PLS1: variants seen among roughly 807,000 people sequenced by gnomAD.
PLS1 encodes the protein plastin 1.
PLS1 carries 32 observed loss-of-function variants against 73.7 expected under a neutral mutation model. The ratio of observed to expected loss-of-function variants is 0.43; its 90% confidence interval spans 0.33 to 0.58. The LOEUF (loss-of-function observed/expected upper bound fraction) is 0.58. PLS1 is among the 20% of genes least tolerant of loss of function. The pLI is 0.04. For synonymous variants in PLS1, 217 were observed against 261.3 expected (o/e 0.83, Z 1.63); for missense variants, 633 against 740.5 (o/e 0.85, Z 1.68).
intron 2 of PLS1, among the ~76,000 whole-genome samples, chr3:142,666,432 A>G (rs997289386): frequency 8.5e-5 from 13 of 152,180 alleles, no homozygotes; most frequent in African/African-American, 2.9e-4. Context: ...ACTTAGCACA[A>G]TGTCCTCATC....
At chr3:142,689,884 G>T in intron 10 of PLS1, 71 bp downstream of exon 10, 1 of 968,522 alleles carries the variant, frequency 1.0e-6, no homozygotes, top group Non-Finnish European at 1.5e-6. Context: ...TTCACTGTCA[G>T]AGATAGGGGA....
chr3:142,665,193 CA>C (rs1190902709), intron 2 of PLS1, among the ~76,000 whole-genome samples: 1 of 148,670 alleles, frequency 6.7e-6, no homozygotes, highest in African/African-American at 2.5e-5. Flanking sequence ...AGATTTCTCA[CA>C]AACCTAATAA....
At chr3:142,688,819 T>A (rs1408862424) in intron 9 of PLS1, among the ~76,000 whole-genome samples, 6 of 152,226 alleles carry the variant, frequency 3.9e-5, no homozygotes. Context: ...GTATTTGGGT[T>A]GTTTCATTTG....
chr3:142,604,623 T>C (rs1024637893), intron 1 of PLS1, among the ~76,000 whole-genome samples: 3 of 152,154 alleles, frequency 2.0e-5, no homozygotes, highest in African/African-American at 7.2e-5. Context: ...TTTCTTATCC[T>C]CAAATAGCCA....
chr3:142,613,215 C>T (rs932699362), intron 1 of PLS1, among the ~76,000 whole-genome samples: 2 of 152,122 alleles, frequency 1.3e-5, no homozygotes, highest in Non-Finnish European at 2.9e-5. Context: ...CCGTGGTTCA[C>T]GCCTGTAATC....
rs1933178310 is a variant in PLS1 at position 142,712,412 on chromosome 3, T to C, written c.*405T>C. ...TTGATCATAAATGCATTCATACTCA[T>C]AATCCAGTTTAATCCTTTTATTTGC... On this transcript the variant is annotated 3_prime_UTR_variant, in exon 16 of 16. Coordinates refer to ENST00000457734, the MANE Select transcript of PLS1 (RefSeq NM_001145319.2). 6.3e-6 allele frequency: 1 copy of C among 159,078 alleles called. No homozygotes were observed. Among genetic ancestry groups the C allele is most frequent in the African/African-American group, 2.4e-5 (1 of 41,552 alleles). 9.9% of individuals were successfully genotyped at this position (159,078 alleles called of 1,614,324 possible).
At chr3:142,617,188 G>C (rs1054336926) in intron 1 of PLS1, among the ~76,000 whole-genome samples, 2 of 148,954 alleles carry the variant, frequency 1.3e-5, no homozygotes, top group African/African-American at 2.5e-5. Context: ...TTAGAGGTTT[G>C]GAATAAAATT....
At chr3:142,648,181 T>A (rs531061527) in intron 1 of PLS1, among the ~76,000 whole-genome samples, 162 of 152,178 alleles carry the variant, frequency 1.1e-3, no homozygotes, top group Middle Eastern at 3.4e-3. Flanking sequence ...AAGGAAAAAA[T>A]TCATGGTGGA....
At chr3:142,708,322 C>T (rs1932945488) in intron 14 of PLS1, among the ~76,000 whole-genome samples, 1 of 152,226 alleles carries the variant, frequency 6.6e-6, no homozygotes, top group African/African-American at 2.4e-5. Context: ...TCTCAGCTCA[C>T]TCCAACCTCT....
intron 1 of PLS1, among the ~76,000 whole-genome samples, chr3:142,660,562 G>C (rs1393318463): frequency 6.6e-6 from 1 of 152,124 alleles, no homozygotes; most frequent in Non-Finnish European, 1.5e-5. Context: ...CACCACCTCT[G>C]CCCAGCATGG....
chr3:142,648,454 G>T (rs1297609802), intron 1 of PLS1, among the ~76,000 whole-genome samples: 1 of 152,142 alleles, frequency 6.6e-6, no homozygotes, highest in Admixed American at 6.5e-5. Flanking sequence ...TAAAAAAGAC[G>T]AGAAAATTCA....
intron 5 of PLS1, 133 bp downstream of exon 5, chr3:142,676,422 G>T: frequency 2.4e-6 from 2 of 824,654 alleles, no homozygotes; most frequent in South Asian, 2.0e-5. Context: ...AATTTATATT[G>T]CATAGAAAAT....
intron 2 of PLS1, among the ~76,000 whole-genome samples, chr3:142,665,297 C>CAAAAAAAAAAAAAAACAAA (rs11285999): frequency 8.9e-6 from 1 of 112,342 alleles, no homozygotes; most frequent in Non-Finnish European, 1.9e-5. Context: ...AAAAGCACTC[C>CAAAAAAAAAAAAAAACAAA]AAAAAAAAAA....
chr3:142,621,005 T>A (rs1212666756), intron 1 of PLS1, among the ~76,000 whole-genome samples: 1 of 151,892 alleles, frequency 6.6e-6, no homozygotes, highest in Non-Finnish European at 1.5e-5. Flanking sequence ...GGTGACAGAG[T>A]GAGACTCTGT....
At chr3:142,623,812 G>C (rs1270044662) in intron 1 of PLS1, among the ~76,000 whole-genome samples, 1 of 152,174 alleles carries the variant, frequency 6.6e-6, no homozygotes, top group Non-Finnish European at 1.5e-5. Context: ...CCACTGGTTA[G>C]AGAAGAAAGG....
At chr3:142,615,185 T>A (rs1404046759) in intron 1 of PLS1, among the ~76,000 whole-genome samples, 2 of 152,164 alleles carry the variant, frequency 1.3e-5, no homozygotes, top group Non-Finnish European at 2.9e-5. Context: ...GCAGCCAACA[T>A]GGTCTGGACA....
intron 1 of PLS1, among the ~76,000 whole-genome samples, chr3:142,629,337 G>A (rs2036502472): frequency 6.6e-6 from 1 of 151,924 alleles, no homozygotes; most frequent in South Asian, 2.1e-4. Context: ...TGAGTAGCTG[G>A]GATTACAGGT....
At chr3:142,672,767 T>C (rs2037632764) in intron 4 of PLS1, among the ~76,000 whole-genome samples, 1 of 152,254 alleles carries the variant, frequency 6.6e-6, no homozygotes, top group South Asian at 2.1e-4. Flanking sequence ...AGCAGCTTTA[T>C]TGAGATATAA....
chr3:142,617,451 A>C (rs559998983), intron 1 of PLS1, among the ~76,000 whole-genome samples: 1 of 152,326 alleles, frequency 6.6e-6, no homozygotes, highest in Admixed American at 6.5e-5. Flanking sequence ...CTTAATCTGC[A>C]CTTGGGGCCT....
Sources: gnomAD v4.1 joint callset for allele counts (sites outside exome capture counted in the v4.1 genomes callset) on GRCh38, gnomAD v4.1.1 for gene constraint, MANE v1.5 for transcripts, NCBI Gene and HGNC (gene_info 2026-07-23, HGNC 2026-07-21) for gene names.